Variants in ZNF138 observed in about 807,000 individuals in gnomAD.
The protein encoded by ZNF138 is zinc finger protein 138, also known as zinc finger protein 138 (clone pHZ-32).
In ZNF138, 33 loss-of-function variants were observed where a neutral mutation model predicts 33.0. The observed-to-expected ratio is 1.00, with a 90% CI of 0.76 to 1.34. The LOEUF is 1.34. ZNF138 is among the 40% of genes most tolerant of loss of function. ZNF138 has a pLI of 0.00. For synonymous variants in ZNF138, 139 were observed against 120.4 expected (o/e 1.15, Z -1.01); for missense variants, 360 against 370.8 (o/e 0.97, Z 0.24).
At chr7:64,814,130 A>C in intron 1 of ZNF138, 3 of 1,208,600 alleles carry the variant, frequency 2.5e-6, no homozygotes, top group East Asian at 6.8e-5. Flanking sequence ...TCTTGAGCCA[A>C]AAACATTGAC....
chr7:64,836,635 G>C (rs1790374583), downstream of ZNF138: 1 of 152,172 alleles, frequency 6.6e-6, no homozygotes, highest in Non-Finnish European at 1.5e-5. Context: ...ATAGAACATT[G>C]GGTCAGATCC....
chr7:64,797,313 T>A (rs1321655651), intron 1 of ZNF138, among the ~76,000 whole-genome samples: 1 of 152,226 alleles, frequency 6.6e-6, no homozygotes. Flanking sequence ...AATAATTATT[T>A]ATCGTTTTAA....
chr7:64,825,681 A>G (rs1470774327), intron 3 of ZNF138, among the ~76,000 whole-genome samples: 1 of 151,608 alleles, frequency 6.6e-6, no homozygotes, highest in Non-Finnish European at 1.5e-5. Flanking sequence ...CTGGGACTAC[A>G]GGTGCTTGCT....
chr7:64,805,944 T>C (rs990650515), intron 1 of ZNF138, among the ~76,000 whole-genome samples: 2 of 152,274 alleles, frequency 1.3e-5, no homozygotes. Context: ...GGATTAATTA[T>C]GGTGACCATC....
intron 1 of ZNF138, among the ~76,000 whole-genome samples, chr7:64,811,853 C>G (rs73362587): frequency 6.6e-6 from 1 of 152,146 alleles, no homozygotes; most frequent in Non-Finnish European, 1.5e-5. Context: ...TTTAAAACTC[C>G]CATTCATGAA....
chr7:64,798,735 G>A (rs73360629), intron 1 of ZNF138, among the ~76,000 whole-genome samples: 8,609 of 147,608 alleles, frequency 0.058, 432 homozygotes, highest in East Asian at 0.26. Context: ...CCGAGATTGA[G>A]CCATTGCACT....
intron 3 of ZNF138, chr7:64,831,116 C>A: frequency 6.5e-7 from 1 of 1,549,196 alleles, no homozygotes; most frequent in Non-Finnish European, 8.7e-7. Context: ...AAAAAGAAAC[C>A]AAGAGTTGGC....
At chr7:64,843,542 A>T in the ZNF138 span, among the ~76,000 whole-genome samples, 3 of 152,148 alleles carry the variant, frequency 2.0e-5, no homozygotes, top group Admixed American at 2.0e-4. Context: ...ATAATAACTG[A>T]TATTGAGCAT....
At chr7:64,806,590 A>AAACG (rs71061311) in intron 1 of ZNF138, among the ~76,000 whole-genome samples, 1 of 151,890 alleles carries the variant, frequency 6.6e-6, no homozygotes, top group Non-Finnish European at 1.5e-5. Flanking sequence ...ACAAACAAAC[A>AAACG]TTTATTTGAG....
intron 1 of ZNF138, among the ~76,000 whole-genome samples, chr7:64,807,361 A>G (rs989779983): frequency 1.4e-4 from 21 of 152,076 alleles, no homozygotes; most frequent in Admixed American, 7.9e-4. Context: ...TCCACTTATA[A>G]CTGCTGCTAA....
chr7:64,825,736 C>A (rs1789552798), intron 3 of ZNF138, among the ~76,000 whole-genome samples: 1 of 151,900 alleles, frequency 6.6e-6, no homozygotes. Context: ...GACAGGGTTT[C>A]ACTATGTTGG....
intron 3 of ZNF138, among the ~76,000 whole-genome samples, chr7:64,825,531 T>C (rs1789529825): frequency 6.7e-6 from 1 of 150,340 alleles, no homozygotes; most frequent in Non-Finnish European, 1.5e-5. Context: ...TTTTTTGCTA[T>C]TTATTTATTA....
the ZNF138 span, among the ~76,000 whole-genome samples, chr7:64,839,920 G>A: frequency 7.9e-5 from 12 of 152,136 alleles, no homozygotes; most frequent in Non-Finnish European, 1.2e-4. Flanking sequence ...GGTCCGCAGC[G>A]GGAGGGCCAG....
At chr7:64,802,512 G>A (rs1787216477) in intron 1 of ZNF138, among the ~76,000 whole-genome samples, 1 of 143,376 alleles carries the variant, frequency 7.0e-6, no homozygotes, top group Admixed American at 7.1e-5. Flanking sequence ...ATATTTTGGT[G>A]TTAAATATTT....
Position 64,815,003 on chromosome 7 carries a change from G to A in ZNF138, c.89G>A (p.Arg30Lys), listed in dbSNP as rs1562905097. The A allele has an allele frequency of 5.0e-6, 8 of 1,612,684 alleles. No homozygotes were observed. Among genetic ancestry groups the A allele is most frequent in the Non-Finnish European group, 5.1e-6 (6 of 1,179,356 alleles). ...GACACTGCACAGCGGAATGTATATAGGCATGTGATGTTAGAGAACTACAGA... is the reference window on the plus strand; with the variant it reads ...GACACTGCACAGCGGAATGTATATAAGCATGTGATGTTAGAGAACTACAGA... ...CLDTAQRNVY[R>K]HVMLENYRNL... Residue 30 changes from arginine to lysine, a missense_variant, in exon 2 of 4, where the codon AGG becomes AAG. Physicochemically the swap from Arg to Lys is conservative, Grantham distance 26 (BLOSUM62 2). Transcript: ENST00000307355.
chr7:64,826,094 C>G (rs1313279718), intron 3 of ZNF138, among the ~76,000 whole-genome samples: 2 of 152,012 alleles, frequency 1.3e-5, no homozygotes, highest in East Asian at 3.9e-4. Flanking sequence ...CCCTTGGCCT[C>G]CCAAAACCCT....
Position 64,814,084 on chromosome 7 carries a change from G to C in ZNF138, c.4-834G>C, listed in dbSNP as rs947725578. The C allele has an allele frequency of 9.0e-6, 11 of 1,225,650 alleles. No homozygotes were observed. In the East Asian group the frequency reaches 7.3e-4, roughly 81 times the overall value. The allele number at this position is 1,225,650 out of a possible 1,614,324, so 75.9% of individuals were successfully genotyped here. On this transcript the variant is annotated intron_variant, in intron 1 of 3. Coordinates refer to ENST00000307355, the MANE Select transcript of ZNF138 (RefSeq NM_001271639.2). ...GCCAGAAAAACTGGGAAAATCACAGGCTCTTCCACTTACTGGATATTTAAC... is the reference window on the plus strand; with the variant it reads ...GCCAGAAAAACTGGGAAAATCACAGCCTCTTCCACTTACTGGATATTTAAC...
Position 64,832,419 on chromosome 7 carries a change from TGTAAA to T in ZNF138, c.*219_*223del, listed in dbSNP as rs530809656. The T allele has an allele frequency of 6.4e-4, 948 of 1,490,914 alleles. 3 individuals are homozygous for T. Among genetic ancestry groups the T allele is most frequent in the South Asian group, 5.9e-3 (435 of 73,708 alleles). The allele number at this position is 1,490,914 out of a possible 1,614,324, so 92.4% of individuals were successfully genotyped here. On this transcript the variant is annotated 3_prime_UTR_variant, in exon 4 of 4. Transcript: ENST00000307355. ...TCATACTGGAGAAAAACCCTACAAATGTAAAGAATGTGGAAAAGCTTTTCACCGAT... is the reference window on the plus strand; with the variant it reads ...TCATACTGGAGAAAAACCCTACAAATGAATGTGGAAAAGCTTTTCACCGAT...
chr7:64,802,489 A>G (rs1265837438), intron 1 of ZNF138, among the ~76,000 whole-genome samples: 1 of 151,978 alleles, frequency 6.6e-6, no homozygotes, highest in Non-Finnish European at 1.5e-5. Flanking sequence ...ATTTCAAGGC[A>G]TGGCAAGAAA....
Sources: gnomAD v4.1 joint callset for allele counts (sites outside exome capture counted in the v4.1 genomes callset) on GRCh38, gnomAD v4.1.1 for gene constraint, MANE v1.5 for transcripts, NCBI Gene and HGNC (gene_info 2026-07-23, HGNC 2026-07-21) for gene names.